The following TMEM86B variants were observed in gnomAD, a reference collection of about 807,000 sequenced individuals.
TMEM86B encodes the protein transmembrane protein 86B.
Under a neutral mutation model 12.3 loss-of-function variants are expected in TMEM86B, and 15 were observed. That is an observed-to-expected ratio of 1.22 (90% confidence interval 0.81 to 1.87). The LOEUF (loss-of-function observed/expected upper bound fraction) is 1.87, where lower values mean the gene tolerates loss of function less well. TMEM86B is among the 40% of genes most tolerant of loss of function. TMEM86B has a pLI of 0.00. For synonymous variants in TMEM86B, 173 were observed against 140.3 expected, an observed-to-expected ratio of 1.23 and a Z score of -1.65; for missense variants, 328 against 297.4, an observed-to-expected ratio of 1.10 and a Z score of -0.76.
Position 55,227,457 on chromosome 19 carries a change from G to T in TMEM86B, c.405C>A (p.Tyr135Ter), listed in dbSNP as rs2087293567. 1 of 1,558,524 alleles carries T rather than the reference G, an allele frequency of 6.4e-7. No individual in the cohort carries two copies. Among genetic ancestry groups the T allele is most frequent in the African/African-American group, 1.4e-5 (1 of 73,674 alleles). ...CGAGGTGCTGGAGCACAAGGCTGAG[G>T]TAGGGGCCAGGGGCCAGGATGATGA... Reference protein sequence around the residue: ...LLLIILAPGPYLSLVLQHLEP... With the variant: ...LLLIILAPGP Residue 135 changes from tyrosine (Y) to a stop codon, truncating the protein, a stop_gained, in exon 3 of 3, where the codon TAC becomes TAA. Coordinates refer to ENST00000327042, the MANE Select transcript of TMEM86B (RefSeq NM_173804.5). LOFTEE classifies it low-confidence loss of function (END_TRUNC).
In TMEM86B at chr19:55,228,458, C is replaced by T. The variant is rs371721807; in HGVS notation, c.52-21G>A. The T allele has an allele frequency of 5.0e-6, 8 of 1,608,022 alleles. No homozygotes were observed. The African/African-American group carries it at 5.3e-5, about 11-fold the overall frequency. Reference sequence around the variant, plus strand: ...GGGCGCTTTGGGGAGTGGGGAGCTACTGAGCCGAAACCCAGCCCAGCCCCC... The same window carrying T: ...GGGCGCTTTGGGGAGTGGGGAGCTATTGAGCCGAAACCCAGCCCAGCCCCC... On this transcript the variant is annotated intron_variant, in intron 1 of 2. Transcript: ENST00000327042.
intron 1 of TMEM86B, 45 bp downstream of exon 1, chr19:55,228,646 G>A (rs1162861242): frequency 3.1e-6 from 5 of 1,592,266 alleles, no homozygotes; most frequent in Non-Finnish European, 3.4e-6. Flanking sequence ...TGGGGTTCCA[G>A]GGCCCTGTCC....
chr19:55,228,418 C>A lies in TMEM86B; in HGVS notation c.71G>T (p.Trp24Leu). Reference sequence around the variant, plus strand: ...GCAGGAGAGGATGAAGGGGCTCAGCCACCTGCAGACATCTGGGCGCTTTGG... The same window carrying A: ...GCAGGAGAGGATGAAGGGGCTCAGCAACCTGCAGACATCTGGGCGCTTTGG... ...CSAQRPDVCR[W>L]LSPFILSCCV... The change falls in exon 2 of 3, where the codon TGG becomes TTG. Residue 24 changes from tryptophan (W) to leucine (L), a missense_variant. Transcript: ENST00000327042. 1 of 1,612,796 alleles carries A rather than the reference C, an allele frequency of 6.2e-7. No homozygotes were observed. Among genetic ancestry groups the A allele is most frequent in the East Asian group, 2.2e-5 (1 of 44,882 alleles).
chr19:55,228,170 G>T, intron 2 of TMEM86B, 21 bp downstream of exon 2: 1 of 1,594,722 alleles, frequency 6.3e-7, no homozygotes, highest in South Asian at 1.1e-5. Flanking sequence ...TCTGGAAAGC[G>T]TCACAGCACC....
At chr19:55,227,742 A>T in intron 2 of TMEM86B, 179 bp from the exon 3 acceptor site, 1 of 863,614 alleles carries the variant, frequency 1.2e-6, no homozygotes, top group South Asian at 2.1e-5. Context: ...AACTGCCAGG[A>T]GGCCCCACCT....
intron 2 of TMEM86B, 29 bp from the exon 3 acceptor site, chr19:55,227,592 A>C (rs2087295261): frequency 6.7e-7 from 1 of 1,493,934 alleles, no homozygotes; most frequent in Non-Finnish European, 9.0e-7. Context: ...GGTACCAGTG[A>C]GGAAGGCCCA....
rs761717159 is a variant in TMEM86B at position 55,227,529 on chromosome 19, G to A, written c.333C>T (p.Tyr111=). The A allele has an allele frequency of 1.7e-5, 26 of 1,542,748 alleles. No homozygotes were observed. Among genetic ancestry groups the A allele is most frequent in the Admixed American group, 4.0e-5 (2 of 50,590 alleles). ...MAAFATAHLL[Y]VWAFGFSPLQ... ...GGGGAGAGAAGCCGAAGGCCCAGAC[G>A]TAGAGGAGGTGGGCGGTGGCAAAGG... The change falls in exon 3 of 3, where the codon TAC becomes TAT. Residue 111 remains tyrosine, a synonymous_variant. Coordinates refer to ENST00000327042, the MANE Select transcript of TMEM86B (RefSeq NM_173804.5).
chr19:55,228,009 C>A, intron 2 of TMEM86B, 182 bp downstream of exon 2: 1 of 1,079,044 alleles, frequency 9.3e-7, no homozygotes, highest in Middle Eastern at 3.1e-4. Flanking sequence ...CAGCTACTGC[C>A]CTAACACCGC....
rs756061441 is a variant in TMEM86B at position 55,227,162 on chromosome 19, G to T, written c.*19C>A. ...TGCAGGAGGAGAGGGCCTGAACACC[G>T]GCCCTTCAAGCTCCCTAGTCAGTCA... is the stretch of plus-strand genomic sequence containing the variant. On this transcript the variant is annotated 3_prime_UTR_variant, in exon 3 of 3. Transcript: ENST00000327042. 3 of 1,459,166 alleles carry T rather than the reference G, an allele frequency of 2.1e-6. No individual in the cohort carries two copies. In the African/African-American group the frequency reaches 4.2e-5, roughly 21 times the overall value. 90.4% of individuals were successfully genotyped at this position (1,459,166 alleles called of 1,614,324 possible). A position where few individuals can be genotyped will look rare whatever the true frequency, so the allele number is the denominator to read the frequency against.
chr19:55,227,856 G>A lies in TMEM86B; in HGVS notation c.299-293C>T, dbSNP rs34372104. 5,449 of 588,240 alleles carry A rather than the reference G, an allele frequency of 9.3e-3. 236 individuals are homozygous for A. The highest frequency in any genetic ancestry group is 0.09 in the African/African-American group (4,843 of 53,876). 36.4% of individuals were successfully genotyped at this position (588,240 alleles called of 1,614,324 possible). A position where few individuals can be genotyped will look rare whatever the true frequency, so the allele number is the denominator to read the frequency against. On this transcript the variant is annotated intron_variant, in intron 2 of 2. Transcript: ENST00000327042. ...GCACCTGACACGTCCCTGCCCCGGAGCCTTTACACTCGCCCTTCCTCCACA... is the reference window on the plus strand; with the variant it reads ...GCACCTGACACGTCCCTGCCCCGGAACCTTTACACTCGCCCTTCCTCCACA...
In TMEM86B at chr19:55,226,812, A is replaced by G. The variant is rs941358032; in HGVS notation, c.*369T>C. The G allele has an allele frequency of 9.5e-6, 2 of 211,424 alleles. No homozygotes were observed. Among genetic ancestry groups the G allele is most frequent in the African/African-American group, 2.3e-5 (1 of 43,536 alleles). The allele number at this position is 211,424 out of a possible 1,614,324, so 13.1% of individuals were successfully genotyped here. A position where few individuals can be genotyped will look rare whatever the true frequency, so the allele number is the denominator to read the frequency against. On this transcript the variant is annotated 3_prime_UTR_variant, in exon 3 of 3. Transcript: ENST00000327042. ...TCCCCGAGGCCTCTCCTACGGTAAC[A>G]GCAACATCTACGGTTCCACACCCAC...
intron 2 of TMEM86B, chr19:55,227,837 G>A (rs913189573): frequency 4.1e-5 from 24 of 590,652 alleles, no homozygotes; most frequent in Non-Finnish European, 5.8e-5. Context: ...ACAAGCACCT[G>A]ACACGTCCCT....
Position 55,228,324 on chromosome 19 carries a change from C to T in TMEM86B, c.165G>A (p.Leu55=), listed in dbSNP as rs1454225990. The change falls in exon 2 of 3, where the codon CTG becomes CTA. Residue 55 remains leucine (L), a synonymous_variant. Coordinates refer to ENST00000327042, the MANE Select transcript of TMEM86B (RefSeq NM_173804.5). ...LSWFAALVKC[L]PVLCLAGFLW... is the part of the protein sequence containing the mutation. ...GGAACCCAGCCAGGCAGAGGACGGG[C>T]AGGCACTTGACCAGGGCAGCGAACC... 1 of 1,613,836 alleles carries T rather than the reference C, an allele frequency of 6.2e-7. No individual in the cohort carries two copies. The highest frequency in any genetic ancestry group is 8.5e-7 in the Non-Finnish European group (1 of 1,179,944).
chr19:55,227,617 C>T, intron 2 of TMEM86B, 54 bp from the exon 3 acceptor site: 1 of 1,472,102 alleles, frequency 6.8e-7, no homozygotes, highest in Non-Finnish European at 9.0e-7. Context: ...GGGAATGGCC[C>T]CGAGGTCACC....
rs770823145 is a variant in TMEM86B, at chr19:55,228,083, T to C, written c.298+108A>G. The stretch of plus-strand genomic sequence containing the variant: ...CACGGCTGCGCCCCCCACTGTGCCT[T>C]TGACCACTGGAGCTCTCACAGGAGC... On this transcript the variant is annotated intron_variant, in intron 2 of 2. Transcript: ENST00000327042. The C allele has an allele frequency of 1.8e-4, 266 of 1,462,162 alleles. 1 individual carries two copies. The highest frequency in any genetic ancestry group is 5.3e-5 in the Admixed American group (2 of 37,656). The allele number at this position is 1,462,162 out of a possible 1,614,324, so 90.6% of individuals were successfully genotyped here. A position where few individuals can be genotyped will look rare whatever the true frequency, so the allele number is the denominator to read the frequency against.
intron 1 of TMEM86B, 64 bp downstream of exon 1, chr19:55,228,627 G>A (rs892785602): frequency 1.5e-5 from 24 of 1,566,294 alleles, no homozygotes; most frequent in South Asian, 1.1e-4. Flanking sequence ...TCCCAGACCC[G>A]CCGGCTGCTG....
At position 55,228,345 on chromosome 19, in the gene TMEM86B, G is replaced by A. The variant is rs779106326; in HGVS notation, c.144C>T (p.Phe48=). ...CGGGCAGGCACTTGACCAGGGCAGC[G>A]AACCAGGACAGCTGGTCCTCGGGAA... ...LWIPEDQLSW[F]AALVKCLPVL... The change falls in exon 2 of 3, where the codon TTC becomes TTT. Residue 48 remains phenylalanine (F), a synonymous_variant. Transcript: ENST00000327042. 9.3e-6 allele frequency: 15 copies of A among 1,613,662 alleles called. No individual in the cohort carries two copies. Among genetic ancestry groups the A allele is most frequent in the African/African-American group, 2.7e-5 (2 of 74,844 alleles).
At chr19:55,228,008 C>T in intron 2 of TMEM86B, 183 bp downstream of exon 2, 2 of 1,069,350 alleles carry the variant, frequency 1.9e-6, no homozygotes, top group Non-Finnish European at 2.6e-6. Context: ...TCAGCTACTG[C>T]CCTAACACCG....
At position 55,228,384 on chromosome 19, in the gene TMEM86B, G is replaced by C; in HGVS notation, c.105C>G (p.Tyr35Ter). 6.2e-7 allele frequency: 1 copy of C among 1,613,868 alleles called. No homozygotes were observed. Among genetic ancestry groups the C allele is most frequent in the South Asian group, 1.1e-5 (1 of 91,086 alleles). ...GGTCCTCGGGAATCCAGAGGCAGAA[G>C]TACACGCAGCAGGAGAGGATGAAGG... ...LSPFILSCCVYFCLWIPEDQL... is the reference protein window; with the variant it reads ...LSPFILSCCV The change falls in exon 2 of 3, where the codon TAC (tyrosine) becomes TAG (stop). Residue 35 changes from tyrosine to a stop codon, truncating the protein, a stop_gained. Coordinates refer to ENST00000327042, the MANE Select transcript of TMEM86B (RefSeq NM_173804.5). LOFTEE classifies it high-confidence loss of function.
Sources: allele counts gnomAD v4.1 joint callset, GRCh38; gene constraint gnomAD v4.1.1; transcripts MANE v1.5; gene names NCBI Gene and HGNC (gene_info 2026-07-23, HGNC 2026-07-21).